UNC13C: variants seen among roughly 807,000 people sequenced by gnomAD.
The protein encoded by UNC13C is protein unc-13 homolog C.
Under a neutral mutation model 245.4 loss-of-function variants are expected in UNC13C, and 174 were observed. That is an observed-to-expected ratio of 0.71 (90% confidence interval 0.63 to 0.80). The LOEUF (loss-of-function observed/expected upper bound fraction) is 0.80. UNC13C is among the 30% of genes least tolerant of loss of function. The pLI is 0.00. For synonymous variants in UNC13C, 992 were observed against 895.1 expected (o/e 1.11, Z -1.93); for missense variants, 2,829 against 2,602.9 (o/e 1.09, Z -1.89).
intron 30 of UNC13C, among the ~76,000 whole-genome samples, chr15:54,591,878 G>A (rs907395305): frequency 6.6e-6 from 1 of 151,976 alleles, no homozygotes; most frequent in African/African-American, 2.4e-5. Context: ...CTTGATGCCT[G>A]ACCTTAGATT....
intron 14 of UNC13C, among the ~76,000 whole-genome samples, chr15:54,327,056 T>A (rs960867315): frequency 3.9e-5 from 6 of 152,058 alleles, no homozygotes; most frequent in African/African-American, 1.4e-4. Flanking sequence ...AGTGTCTCTA[T>A]GTGTGTTGAA....
At chr15:54,239,726 A>G (rs749305876) in intron 7 of UNC13C, among the ~76,000 whole-genome samples, 2 of 152,186 alleles carry the variant, frequency 1.3e-5, no homozygotes, top group African/African-American at 4.8e-5. Flanking sequence ...TGCTGGGATT[A>G]AAGGTGTGAG....
chr15:54,449,172 G>C (rs1231132401), intron 19 of UNC13C, among the ~76,000 whole-genome samples: 1 of 152,274 alleles, frequency 6.6e-6, no homozygotes, highest in Admixed American at 6.5e-5. Flanking sequence ...TTCCCTTTGT[G>C]GGTAACCCGA....
chr15:54,318,602 G>A (rs2038069493), intron 13 of UNC13C, among the ~76,000 whole-genome samples: 2 of 151,796 alleles, frequency 1.3e-5, no homozygotes, highest in Admixed American at 1.3e-4. Context: ...AGTTATTCAA[G>A]GTTCTTATAT....
intron 2 of UNC13C, among the ~76,000 whole-genome samples, chr15:54,046,017 T>A (rs1473479223): frequency 2.6e-5 from 4 of 152,208 alleles, no homozygotes; most frequent in African/African-American, 9.6e-5. Flanking sequence ...TTTCTATCAT[T>A]TCTCACTTTG....
intron 19 of UNC13C, among the ~76,000 whole-genome samples, chr15:54,425,865 G>A (rs1294115599): frequency 6.6e-6 from 1 of 151,806 alleles, no homozygotes; most frequent in Non-Finnish European, 1.5e-5. Flanking sequence ...GTTTCATTGG[G>A]TTAAATCAAG....
intron 11 of UNC13C, among the ~76,000 whole-genome samples, chr15:54,296,864 A>T (rs1464921050): frequency 1.3e-5 from 2 of 152,178 alleles, no homozygotes; most frequent in Non-Finnish European, 2.9e-5. Flanking sequence ...CCTCCACTAC[A>T]ATCACAGCCT....
intron 4 of UNC13C, among the ~76,000 whole-genome samples, chr15:54,184,838 G>T (rs1238967487): frequency 2.0e-5 from 3 of 152,260 alleles, no homozygotes; most frequent in South Asian, 4.1e-4. Flanking sequence ...CTGAGCAATT[G>T]CCACACCGAC....
chr15:54,285,255 C>A (rs1431023747), intron 10 of UNC13C, among the ~76,000 whole-genome samples: 2 of 146,426 alleles, frequency 1.4e-5, no homozygotes, highest in Non-Finnish European at 3.0e-5. Flanking sequence ...GTTGAGGACT[C>A]TTTTTTTTTT....
At chr15:54,525,138 G>A (rs1310394296) in intron 24 of UNC13C, among the ~76,000 whole-genome samples, 2 of 152,050 alleles carry the variant, frequency 1.3e-5, no homozygotes, top group African/African-American at 4.8e-5. Context: ...TATTCTTAAT[G>A]TGCCTATTTA....
chr15:54,267,267 C>G (rs2036570658), intron 10 of UNC13C, among the ~76,000 whole-genome samples: 1 of 145,138 alleles, frequency 6.9e-6, no homozygotes, highest in African/African-American at 2.9e-5. Context: ...GGAATTGATT[C>G]ATCTTTTTTT....
intron 24 of UNC13C, among the ~76,000 whole-genome samples, chr15:54,519,321 A>T (rs1566884458): frequency 6.6e-6 from 1 of 152,196 alleles, no homozygotes; most frequent in Non-Finnish European, 1.5e-5. Context: ...CAGTTCATAG[A>T]AACAGAAAAA....
At chr15:54,126,625 A>G (rs111389032) in intron 2 of UNC13C, among the ~76,000 whole-genome samples, 3,751 of 152,266 alleles carry the variant, frequency 0.025, 154 homozygotes, top group African/African-American at 0.08. Flanking sequence ...AATGTAGGCA[A>G]TACCATTCAG....
rs886999528 is a variant in UNC13C, at chr15:54,507,109, T to C, written c.5302-8T>C. 4 of 1,577,662 alleles carry C rather than the reference T, an allele frequency of 2.5e-6. No individual in the cohort carries two copies. The highest frequency in any genetic ancestry group is 4.5e-5 in the East Asian group (2 of 44,148). On this transcript the variant is annotated splice_polypyrimidine_tract_variant and splice_region_variant and intron_variant, in intron 22 of 32. Coordinates refer to ENST00000260323, the MANE Select transcript of UNC13C (RefSeq NM_001080534.3). Reference sequence around the variant, plus strand: ...CCTGGGTAAAGTTCACAATGTTTTCTTTCTTAGACTATCAATAAAGTGCTG... The same window carrying C: ...CCTGGGTAAAGTTCACAATGTTTTCCTTCTTAGACTATCAATAAAGTGCTG...
At chr15:54,305,074 G>C (rs1354045152) in intron 13 of UNC13C, among the ~76,000 whole-genome samples, 1 of 152,062 alleles carries the variant, frequency 6.6e-6, no homozygotes, top group Non-Finnish European at 1.5e-5. Flanking sequence ...ATTTTGAAGA[G>C]AGAAATCATA....
chr15:54,111,176 G>C (rs575135175), intron 2 of UNC13C, among the ~76,000 whole-genome samples: 1 of 152,144 alleles, frequency 6.6e-6, no homozygotes, highest in African/African-American at 2.4e-5. Flanking sequence ...TCCTGTTTAT[G>C]TAGTACAATA....
At chr15:53,924,006 G>A in the UNC13C span, among the ~76,000 whole-genome samples, 6,739 of 152,068 alleles carry the variant, frequency 0.044, 303 homozygotes, top group East Asian at 0.21. Context: ...CGGGAGTTCG[G>A]GACCAGCCTA....
At position 54,605,802 on chromosome 15, in the gene UNC13C, C is replaced by T. The variant is rs185910497; in HGVS notation, c.6107-16525C>T. ...ATTGCTCGATCGCTTAAATGCTTTG[C>T]GAGCAATATGCCATGAAGGCAAACT... On this transcript the variant is annotated intron_variant, in intron 30 of 32. Coordinates refer to ENST00000260323, the MANE Select transcript of UNC13C (RefSeq NM_001080534.3). 4.6e-5 allele frequency among the ~76,000 whole-genome samples: 7 copies of T among 152,308 alleles called. No homozygotes were observed. The South Asian group carries it at 8.3e-4, about 18-fold the overall frequency.
chr15:54,620,656 C>T (rs1296737051), intron 30 of UNC13C, among the ~76,000 whole-genome samples: 1 of 151,960 alleles, frequency 6.6e-6, no homozygotes, highest in Non-Finnish European at 1.5e-5. Flanking sequence ...CATGGCGGTC[C>T]ATACTTCTAG....
Sources: gnomAD v4.1 joint callset for allele counts (sites outside exome capture counted in the v4.1 genomes callset) on GRCh38, gnomAD v4.1.1 for gene constraint, MANE v1.5 for transcripts, NCBI Gene and HGNC (gene_info 2026-07-23, HGNC 2026-07-21) for gene names.